The following SETD2 variants were observed in gnomAD, a reference collection of about 807,000 sequenced individuals.
The protein encoded by SETD2 is histone-lysine N-methyltransferase SETD2.
Under a neutral mutation model 242.1 loss-of-function variants are expected in SETD2, and 31 were observed. That is an observed-to-expected ratio of 0.13 (90% confidence interval 0.10 to 0.17). The LOEUF (loss-of-function observed/expected upper bound fraction) is 0.17. Among genes scored for constraint, SETD2 ranks in the 10% least tolerant of loss-of-function variants. The probability of loss-of-function intolerance (pLI) is 1.00; values close to 1 mark genes in which losing one functional copy is unlikely to be tolerated. For synonymous variants in SETD2, 1,006 were observed against 1,066.5 expected (o/e 0.94, Z 1.11); for missense variants, 2,481 against 3,046.3 (o/e 0.81, Z 4.37).
At chr3:47,069,086 C>T (rs2040700185) in intron 12 of SETD2, among the ~76,000 whole-genome samples, 1 of 152,212 alleles carries the variant, frequency 6.6e-6, no homozygotes, top group Non-Finnish European at 1.5e-5. Context: ...AGCCACCGCA[C>T]CCGGCCCTTC....
At chr3:47,048,833 A>G (rs1284094509) in intron 15 of SETD2, among the ~76,000 whole-genome samples, 2 of 151,570 alleles carry the variant, frequency 1.3e-5, no homozygotes, top group African/African-American at 2.4e-5. Flanking sequence ...ACGCCTGGCT[A>G]ATTTTTTTTA....
At chr3:47,156,046 T>C (rs141466276) in intron 1 of SETD2, among the ~76,000 whole-genome samples, 1 of 152,188 alleles carries the variant, frequency 6.6e-6, no homozygotes, top group African/African-American at 2.4e-5. Flanking sequence ...AAAGAACAAT[T>C]AGCAAATTGA....
chr3:47,158,717 T>C (rs1167045036), intron 1 of SETD2, among the ~76,000 whole-genome samples: 6 of 152,234 alleles, frequency 3.9e-5, no homozygotes, highest in Non-Finnish European at 8.8e-5. Flanking sequence ...AAAAGTTATA[T>C]GCACATTTTT....
intron 12 of SETD2, among the ~76,000 whole-genome samples, chr3:47,078,739 TG>T (rs1233609789): frequency 2.0e-5 from 3 of 151,956 alleles, no homozygotes; most frequent in Non-Finnish European, 2.9e-5. Context: ...TGTTTTGTTT[TG>T]TTTTTTTTTA....
rs764499297 is a variant in SETD2, at chr3:47,121,392, C to T, written c.3244G>A (p.Glu1082Lys). The change falls in exon 3 of 21, where the codon GAA becomes AAA. Residue 1082 changes from glutamate (E) to lysine (K), a missense_variant. Glu to Lys is a moderately conservative substitution (Grantham distance 56). Transcript: ENST00000409792. ...CTCCGAGAAGAACAAGGACTTGTTT[C>T]TTCCATGGGCAAAGTAGAATTCTTT... ...VPKNSTLPMEETSPCSSRSSQ... is the reference protein window; with the variant it reads ...VPKNSTLPMEKTSPCSSRSSQ... The T allele has an allele frequency of 6.8e-6, 11 of 1,610,006 alleles. No individual in the cohort carries two copies. Among genetic ancestry groups the T allele is most frequent in the Non-Finnish European group, 8.5e-6 (10 of 1,179,996 alleles).
intron 17 of SETD2, among the ~76,000 whole-genome samples, chr3:47,042,325 G>A (rs2039317979): frequency 6.6e-6 from 1 of 152,206 alleles, no homozygotes; most frequent in Non-Finnish European, 1.5e-5. Flanking sequence ...TCACACCACT[G>A]TACTCCAGCC....
chr3:47,066,509 G>C, intron 13 of SETD2, among the ~76,000 whole-genome samples: 1 of 152,014 alleles, frequency 6.6e-6, no homozygotes, highest in East Asian at 1.9e-4. Flanking sequence ...ACCACACTTA[G>C]CTAATATTTT....
intron 12 of SETD2, among the ~76,000 whole-genome samples, chr3:47,072,240 G>A (rs546391486): frequency 7.2e-5 from 11 of 152,152 alleles, no homozygotes; most frequent in South Asian, 2.1e-4. Flanking sequence ...TCCGGGAGGC[G>A]GAGCTTGCAG....
Position 47,124,470 on chromosome 3 carries a change from G to A in SETD2, c.166C>T (p.Pro56Ser). The A allele has an allele frequency of 6.4e-7, 1 of 1,551,696 alleles. No homozygotes were observed. Among genetic ancestry groups the A allele is most frequent in the Non-Finnish European group, 8.7e-7 (1 of 1,146,980 alleles). The change falls in exon 3 of 21, where the codon CCC (proline) becomes TCC (serine). Residue 56 changes from proline to serine, a missense_variant. Pro to Ser is a moderately conservative substitution (Grantham distance 74, BLOSUM62 -1). Around this residue, in one of 17 missense-constraint regions of SETD2, gnomAD observed 334 missense variants for 374.5 expected, o/e 0.89. Coordinates refer to ENST00000409792, the MANE Select transcript of SETD2 (RefSeq NM_014159.7). ...FKGVASSRFL[P>S]KGTKTKVNLE... ...TTAACTTTTGTTTTGGTGCCTTTGG[G>A]CAAAAATCGACTAGAAGCAACACCT...
chr3:47,027,336 C>CAAAAAAAAAAA (rs145911577), intron 18 of SETD2, among the ~76,000 whole-genome samples: 6 of 103,766 alleles, frequency 5.8e-5, no homozygotes, highest in Admixed American at 1.0e-4. Context: ...GACTCCATCT[C>CAAAAAAAAAAA]AAAAAAAAAA....
At chr3:47,081,292 C>G (rs950164985) in intron 12 of SETD2, among the ~76,000 whole-genome samples, 6 of 152,102 alleles carry the variant, frequency 3.9e-5, no homozygotes, top group African/African-American at 1.4e-4. Flanking sequence ...AAAAGCCAAG[C>G]GGAACACATG....
chr3:47,072,136 G>A (rs866160642), intron 12 of SETD2, among the ~76,000 whole-genome samples: 13 of 151,818 alleles, frequency 8.6e-5, no homozygotes, highest in Non-Finnish European at 1.5e-4. Flanking sequence ...GTGAAACCCC[G>A]TCTCTACCAA....
chr3:47,056,272 G>T (rs1439868807), intron 15 of SETD2, among the ~76,000 whole-genome samples: 5 of 151,576 alleles, frequency 3.3e-5, no homozygotes, highest in Admixed American at 2.0e-4. Context: ...TTACAGGCAT[G>T]AGCCACCATG....
At chr3:47,164,340 G>A (rs1697610192), upstream of SETD2, among the ~76,000 whole-genome samples, 1 of 152,054 alleles carries the variant, frequency 6.6e-6, no homozygotes, top group Admixed American at 6.6e-5. The surrounding 1 kb of genome is among the most constrained non-coding windows in gnomAD (Gnocchi z 5.4). Flanking sequence ...CGGCCCCAGT[G>A]ATGTGGGCCA....
At chr3:47,045,501 G>C (rs1406879423) in intron 16 of SETD2, among the ~76,000 whole-genome samples, 1 of 137,960 alleles carries the variant, frequency 7.2e-6, no homozygotes, top group African/African-American at 2.7e-5. Context: ...CTGGGCGACA[G>C]AGCAAGACTC....
rs2106728793 is a variant in SETD2 at position 47,124,476 on chromosome 3, A to G, written c.160T>C (p.Phe54Leu). The G allele has an allele frequency of 6.4e-7, 1 of 1,551,782 alleles. No homozygotes were observed. The highest frequency in any genetic ancestry group is 1.2e-5 in the South Asian group (1 of 84,068). The change falls in exon 3 of 21, where the codon TTT becomes CTT. Residue 54 changes from phenylalanine to leucine, a missense_variant. Transcript: ENST00000409792. ...TTTGTTTTGGTGCCTTTGGGCAAAA[A>G]TCGACTAGAAGCAACACCTTTGAAC... ...PMFKGVASSR[F>L]LPKGTKTKVN...
rs2107646085 is a variant in SETD2 at position 47,086,273 on chromosome 3, A to G, written c.5319T>C (p.Arg1773=). The change falls in exon 11 of 21, where the codon CGT becomes CGC. Residue 1773 remains arginine, a synonymous_variant. Coordinates refer to ENST00000409792, the MANE Select transcript of SETD2 (RefSeq NM_014159.7). ...SQSCLKSFLE[R]HGLSLLWIWM... The stretch of plus-strand genomic sequence containing the variant: ...AGATCCACAACAAAGACAGCCCATG[A>G]CGTTCCAGAAAGGACTTCAGGCAGG... 1 of 1,613,222 alleles carries G rather than the reference A, an allele frequency of 6.2e-7. No individual in the cohort carries two copies. The highest frequency in any genetic ancestry group is 8.5e-7 in the Non-Finnish European group (1 of 1,179,388).
rs931275594 is a variant in SETD2, at chr3:47,122,372, G to C, written c.2264C>G (p.Pro755Arg). ...PFRETEPLVS[P>R]HQDKLMSMPV... ...CATAGACATGAGTTTATCTTGGTGT[G>C]GTGACACCAGAGGTTCTGTTTCTCT... Residue 755 changes from proline (P) to arginine (R), a missense_variant, in exon 3 of 21, where the codon CCA (proline) becomes CGA (arginine). Around this residue, in one of 17 missense-constraint regions of SETD2, gnomAD observed 1,300 missense variants for 1,259.2 expected, o/e 1.03. Coordinates refer to ENST00000409792, the MANE Select transcript of SETD2 (RefSeq NM_014159.7). 6.2e-6 allele frequency: 10 copies of C among 1,613,678 alleles called. No homozygotes were observed. The highest frequency in any genetic ancestry group is 8.5e-6 in the Non-Finnish European group (10 of 1,179,574).
At chr3:47,020,677 A>G (rs2038178812) in intron 18 of SETD2, among the ~76,000 whole-genome samples, 1 of 152,210 alleles carries the variant, frequency 6.6e-6, no homozygotes, top group Non-Finnish European at 1.5e-5. Context: ...TCCACGGAAA[A>G]TAATAATTAT....
Sources: allele counts gnomAD v4.1 joint callset (sites outside exome capture counted in the v4.1 genomes callset), GRCh38; gene constraint gnomAD v4.1.1; regional missense constraint gnomAD v4.1.1; non-coding constraint Gnocchi (gnomAD v3.1); transcripts MANE v1.5; gene names NCBI Gene and HGNC (gene_info 2026-07-23, HGNC 2026-07-21).